The following APOLD1 variants were observed in gnomAD, a reference collection of about 807,000 sequenced individuals.
APOLD1 encodes the protein apolipoprotein L domain containing 1.
A neutral mutation model predicts 15.3 loss-of-function variants in APOLD1; 22 were observed. The ratio of observed to expected loss-of-function variants is 1.44; its 90% CI spans 1.03 to 2.05. The LOEUF is 2.05. Ranked by LOEUF, APOLD1 falls within the 30% of genes most tolerant of loss-of-function variation. APOLD1 has a pLI of 0.00. For missense variants in APOLD1, 394 were observed against 353.5 expected, an observed-to-expected ratio of 1.11 and a Z score of -0.92; for synonymous variants, 190 against 167.4, an observed-to-expected ratio of 1.13 and a Z score of -1.04.
chr12:12,759,805 G>C (rs1391129975), intron 1 of APOLD1, among the ~76,000 whole-genome samples: 1 of 152,200 alleles, frequency 6.6e-6, no homozygotes, highest in Non-Finnish European at 1.5e-5. Context: ...GGACTTCTAG[G>C]AAAGACATTA....
At chr12:12,735,415 A>G (rs1946676813) in intron 1 of APOLD1, among the ~76,000 whole-genome samples, 2 of 152,050 alleles carry the variant, frequency 1.3e-5, no homozygotes, top group African/African-American at 4.8e-5. Context: ...GCTGAGCATG[A>G]GTTAACCAGT....
upstream of APOLD1, among the ~76,000 whole-genome samples, chr12:12,783,630 GTTT>G (rs60822688): frequency 1.6e-5 from 2 of 123,982 alleles, no homozygotes. Flanking sequence ...GTTTTTTTTT[GTTT>G]TTTTTTTTTT....
At chr12:12,768,331 A>C (rs1946956960) in intron 1 of APOLD1, among the ~76,000 whole-genome samples, 1 of 152,138 alleles carries the variant, frequency 6.6e-6, no homozygotes, top group Non-Finnish European at 1.5e-5. Context: ...TAATAAATAA[A>C]ACCTTGTAAA....
upstream of APOLD1, chr12:12,785,562 G>C: frequency 6.4e-7 from 1 of 1,570,414 alleles, no homozygotes; most frequent in East Asian, 2.3e-5. Flanking sequence ...CAGGGGTCAT[G>C]ACAGGAAATG....
At chr12:12,769,905 T>G (rs1453261482) in intron 1 of APOLD1, among the ~76,000 whole-genome samples, 3 of 152,168 alleles carry the variant, frequency 2.0e-5, no homozygotes, top group Admixed American at 6.5e-5. Flanking sequence ...GCCACCACAT[T>G]ACTAAAGTCC....
chr12:12,733,672 G>A (rs548046762), intron 1 of APOLD1, among the ~76,000 whole-genome samples: 6 of 152,064 alleles, frequency 3.9e-5, no homozygotes, highest in South Asian at 2.1e-4. Flanking sequence ...GCACGATCTC[G>A]GCTCACTGCA....
chr12:12,754,734 A>G (rs889153827), intron 1 of APOLD1, among the ~76,000 whole-genome samples: 2 of 152,026 alleles, frequency 1.3e-5, no homozygotes, highest in African/African-American at 4.8e-5. Context: ...CCTGGCCGAA[A>G]TCTATCTTTA....
At chr12:12,763,126 G>GA (rs548744102) in intron 1 of APOLD1, among the ~76,000 whole-genome samples, 2 of 151,468 alleles carry the variant, frequency 1.3e-5, no homozygotes, top group Middle Eastern at 3.4e-3. Flanking sequence ...CCTGTCTCAA[G>GA]AAAAAAAATT....
Position 12,788,302 on chromosome 12 carries a change from G to C in APOLD1, c.*650G>C, listed in dbSNP as rs1290735416. The C allele has an allele frequency of 6.6e-6, 1 of 152,210 alleles. No individual in the cohort carries two copies. The highest frequency in any genetic ancestry group is 1.5e-5 in the Non-Finnish European group (1 of 68,080). The allele number at this position is 152,210 out of a possible 1,614,324, so 9.4% of individuals were successfully genotyped here. On this transcript the variant is annotated 3_prime_UTR_variant, in exon 2 of 2. Coordinates refer to ENST00000356591, the MANE Select transcript of APOLD1 (RefSeq NM_030817.3). ...AATCCAGTCCTCCAAGTACTCAGAG[G>C]GGAAGCCCGTGAAGCCGTCATCTAA... is the stretch of plus-strand genomic sequence containing the variant.
intron 1 of APOLD1, among the ~76,000 whole-genome samples, chr12:12,729,502 C>T (rs1465065530): frequency 6.6e-6 from 1 of 152,124 alleles, no homozygotes; most frequent in Non-Finnish European, 1.5e-5. Flanking sequence ...TCAAGTGATA[C>T]TCCTGCCTTG....
At chr12:12,769,351 A>G (rs1394258802) in intron 1 of APOLD1, among the ~76,000 whole-genome samples, 3 of 152,174 alleles carry the variant, frequency 2.0e-5, no homozygotes, top group East Asian at 1.9e-4. Context: ...GTAAACCCCA[A>G]ATTGGAAACA....
intron 1 of APOLD1, among the ~76,000 whole-genome samples, chr12:12,768,157 C>A (rs1243758984): frequency 6.6e-6 from 1 of 152,066 alleles, no homozygotes; most frequent in African/African-American, 2.4e-5. Context: ...TCAAACCAAA[C>A]TCCCATGGAT....
At chr12:12,785,167 C>G (rs1358901870), upstream of APOLD1, among the ~76,000 whole-genome samples, 3 of 152,280 alleles carry the variant, frequency 2.0e-5, no homozygotes, top group East Asian at 3.9e-4. Flanking sequence ...CCAAATGATC[C>G]CAGGCTCCAG....
chr12:12,743,568 A>C (rs2136374836), intron 1 of APOLD1, among the ~76,000 whole-genome samples: 1 of 152,246 alleles, frequency 6.6e-6, no homozygotes, highest in East Asian at 1.9e-4. Context: ...TCTCCACAGC[A>C]CTTCTCACTC....
chr12:12,741,586 A>T (rs1309023467), intron 1 of APOLD1, among the ~76,000 whole-genome samples: 1 of 152,120 alleles, frequency 6.6e-6, no homozygotes, highest in Non-Finnish European at 1.5e-5. Flanking sequence ...ATGATTCCCA[A>T]TTTTAGGTTT....
At chr12:12,773,217 T>C (rs1363307477) in intron 1 of APOLD1, among the ~76,000 whole-genome samples, 2 of 152,218 alleles carry the variant, frequency 1.3e-5, no homozygotes, top group Admixed American at 6.5e-5. Flanking sequence ...ATCAATAATC[T>C]AAGCTTCCAC....
chr12:12,750,139 G>A (rs868226330), intron 1 of APOLD1, among the ~76,000 whole-genome samples: 4 of 152,222 alleles, frequency 2.6e-5, no homozygotes, highest in Middle Eastern at 3.4e-3. Flanking sequence ...TTGCGAGGCC[G>A]AGGCGGGCGG....
chr12:12,777,889 GTTTTTTTTTTTTTTTT>G (rs71436735), intron 1 of APOLD1, among the ~76,000 whole-genome samples: 6 of 117,142 alleles, frequency 5.1e-5, no homozygotes, highest in African/African-American at 1.1e-4. Flanking sequence ...AAGGAAAGGT[GTTTTTTTTTTTTTTTT>G]TTTTTTTTTT....
At position 12,786,944 on chromosome 12, in the gene APOLD1, G is replaced by A. The variant is rs1464495661; in HGVS notation, c.39G>A (p.Gly13=). Residue 13 remains glycine (G), a synonymous_variant, in exon 2 of 2, where the codon GGG becomes GGA. Coordinates refer to ENST00000356591, the MANE Select transcript of APOLD1 (RefSeq NM_030817.3). Reference sequence around the variant, plus strand: ...GGCCGGCGGCCCGGGAGCCGCATGGGCCCGACGCGCTGCGGCGCTTCCAGG... The same window carrying A: ...GGCCGGCGGCCCGGGAGCCGCATGGACCCGACGCGCTGCGGCGCTTCCAGG... The part of the protein sequence containing the change: ...MERPAAREPH[G]PDALRRFQGL... The A allele has an allele frequency of 6.9e-7, 1 of 1,459,704 alleles. No homozygotes were observed. 90.4% of individuals were successfully genotyped at this position (1,459,704 alleles called of 1,614,324 possible). A position where few individuals can be genotyped will look rare whatever the true frequency, so the allele number is the denominator to read the frequency against.
Sources: gnomAD v4.1 joint callset for allele counts (sites outside exome capture counted in the v4.1 genomes callset) on GRCh38, gnomAD v4.1.1 for gene constraint, MANE v1.5 for transcripts, NCBI Gene and HGNC (gene_info 2026-07-23, HGNC 2026-07-21) for gene names.